Variants in KIAA1217 observed in about 807,000 individuals in gnomAD.
The protein encoded by KIAA1217 is KIAA1217.
In KIAA1217, 88 loss-of-function variants were observed where a neutral mutation model predicts 163.9. The observed-to-expected ratio is 0.54, with a 90% CI of 0.45 to 0.64. The LOEUF (loss-of-function observed/expected upper bound fraction) is 0.64. Ranked by LOEUF, KIAA1217 falls within the 30% of genes least tolerant of loss-of-function variation. KIAA1217 has a pLI of 0.00. For synonymous variants in KIAA1217, 903 were observed against 923.1 expected, an observed-to-expected ratio of 0.98 and a Z score of 0.39; for missense variants, 2,372 against 2,475.0, an observed-to-expected ratio of 0.96 and a Z score of 0.88.
At chr10:23,730,281 A>T (rs929983407) in intron 1 of KIAA1217, among the ~76,000 whole-genome samples, 3 of 152,118 alleles carry the variant, frequency 2.0e-5, no homozygotes, top group African/African-American at 7.2e-5. Context: ...CAGTTGTTTC[A>T]GCACCATTTG....
chr10:23,697,877 A>AC (rs1383975983), intron 1 of KIAA1217, among the ~76,000 whole-genome samples: 1 of 130,420 alleles, frequency 7.7e-6, no homozygotes, highest in Non-Finnish European at 1.6e-5. Context: ...ACCCTGTCTC[A>AC]AAAAAAAAAA....
intron 2 of KIAA1217, among the ~76,000 whole-genome samples, chr10:24,194,840 T>G (rs1220247193): frequency 1.4e-5 from 2 of 141,018 alleles, no homozygotes; most frequent in African/African-American, 5.2e-5. Context: ...ACTCCTGACC[T>G]CAAGTGATCC....
chr10:24,497,004 C>T (rs1033052635), intron 8 of KIAA1217, among the ~76,000 whole-genome samples: 1 of 152,212 alleles, frequency 6.6e-6, no homozygotes, highest in African/African-American at 2.4e-5. Context: ...TGGACTCACT[C>T]CCCACGTCTC....
At chr10:23,944,723 G>A (rs1305097327) in intron 1 of KIAA1217, among the ~76,000 whole-genome samples, 3 of 152,142 alleles carry the variant, frequency 2.0e-5, no homozygotes, top group Non-Finnish European at 4.4e-5. Flanking sequence ...TCATGCATTG[G>A]TGGTACAGAT....
chr10:23,927,325 G>GGGGT (rs71506821), intron 1 of KIAA1217, among the ~76,000 whole-genome samples: 76 of 143,090 alleles, frequency 5.3e-4, no homozygotes, highest in African/African-American at 1.5e-3. Context: ...CAAGTCATAG[G>GGGGT]GTGTGTGTGT....
At chr10:23,812,803 T>C (rs1837134666) in intron 1 of KIAA1217, among the ~76,000 whole-genome samples, 1 of 152,136 alleles carries the variant, frequency 6.6e-6, no homozygotes, top group Non-Finnish European at 1.5e-5. Flanking sequence ...TGTGGTTTTT[T>C]GTGTGTGTGT....
Position 23,776,711 on chromosome 10 carries a change from T to C in KIAA1217, c.-321+81477T>C, listed in dbSNP as rs181576413. The stretch of plus-strand genomic sequence containing the variant: ...TTTTTTTTTTTTTGCGACAGAGTCT[T>C]GCTCTGTCACCCAGGCTGGAATGCA... On this transcript the variant is annotated intron_variant, in intron 1 of 18. Coordinates refer to the KIAA1217 transcript ENST00000376462. Among the ~76,000 whole-genome samples, 1,003 of 147,020 alleles carry C rather than the reference T, an allele frequency of 6.8e-3. 17 individuals carry two copies. Among genetic ancestry groups the C allele is most frequent in the African/African-American group, 0.023 (924 of 39,794 alleles).
At chr10:24,456,301 G>A (rs1331800857) in intron 5 of KIAA1217, among the ~76,000 whole-genome samples, 1 of 152,176 alleles carries the variant, frequency 6.6e-6, no homozygotes, top group Non-Finnish European at 1.5e-5. Flanking sequence ...AAACGAATGT[G>A]TCATTCGTTT....
intron 5 of KIAA1217, among the ~76,000 whole-genome samples, chr10:24,456,705 CTT>C (rs755613792): frequency 1.1e-4 from 15 of 141,074 alleles, no homozygotes; most frequent in Admixed American, 1.4e-4. Flanking sequence ...AGGATTAAAC[CTT>C]TTTTTTTTTT....
At chr10:23,780,956 C>T (rs535727853) in intron 1 of KIAA1217, among the ~76,000 whole-genome samples, 8 of 152,306 alleles carry the variant, frequency 5.3e-5, no homozygotes, top group African/African-American at 1.9e-4. Context: ...GCTGGGATTA[C>T]AGGCGTGAGC....
At chr10:23,700,625 T>C (rs1390350188) in intron 1 of KIAA1217, among the ~76,000 whole-genome samples, 2 of 152,210 alleles carry the variant, frequency 1.3e-5, no homozygotes, top group Admixed American at 6.5e-5. Flanking sequence ...GCCATCTTCC[T>C]GTTCCAATAA....
At chr10:23,920,440 G>T (rs1486476336) in intron 1 of KIAA1217, among the ~76,000 whole-genome samples, 1 of 152,160 alleles carries the variant, frequency 6.6e-6, no homozygotes, top group Non-Finnish European at 1.5e-5. Context: ...GGCAACCTGA[G>T]CTTTTTGGGT....
In KIAA1217 at chr10:23,704,164, GTGTGTGTGTATATATATATATATA is replaced by G. The variant is rs1418778439; in HGVS notation, c.-321+8932_-321+8955del. 2.2e-3 allele frequency among the ~76,000 whole-genome samples: 178 copies of G among 80,594 alleles called. 5 individuals carry two copies. The highest frequency in any genetic ancestry group is 0.01 in the African/African-American group (175 of 16,860). The allele number at this position is 80,594 out of a possible 152,430, so 52.9% of individuals were successfully genotyped here. A position where few individuals can be genotyped will look rare whatever the true frequency, so the allele number is the denominator to read the frequency against. ...TGTGTGTATGTGTGTGTGTGTGTGT[GTGTGTGTGTATATATATATATATA>G]TATATATATATATATATATATATAG... is the stretch of plus-strand genomic sequence containing the variant. On this transcript the variant is annotated intron_variant, in intron 1 of 18. Coordinates refer to the KIAA1217 transcript ENST00000376462.
At chr10:23,896,209 T>C (rs1158180638) in intron 1 of KIAA1217, among the ~76,000 whole-genome samples, 1 of 152,034 alleles carries the variant, frequency 6.6e-6, no homozygotes, top group African/African-American at 2.4e-5. Flanking sequence ...CATATTTTCT[T>C]ACTCTATTTT....
At chr10:24,262,854 G>C (rs2075857995) in intron 2 of KIAA1217, among the ~76,000 whole-genome samples, 1 of 151,952 alleles carries the variant, frequency 6.6e-6, no homozygotes. Flanking sequence ...GGAGGCTGAG[G>C]TGGGAGGATT....
chr10:23,806,425 G>A (rs1482139491), intron 1 of KIAA1217, among the ~76,000 whole-genome samples: 1 of 152,264 alleles, frequency 6.6e-6, no homozygotes, highest in East Asian at 1.9e-4. Flanking sequence ...AGAGATTGAG[G>A]AAGTCATTTT....
chr10:23,917,943 G>A (rs898860233), intron 1 of KIAA1217, among the ~76,000 whole-genome samples: 1 of 152,118 alleles, frequency 6.6e-6, no homozygotes, highest in Non-Finnish European at 1.5e-5. Flanking sequence ...GAATGAACAA[G>A]ACCAGTTTTA....
intron 2 of KIAA1217, among the ~76,000 whole-genome samples, chr10:24,224,890 A>G (rs543938831): frequency 0.015 from 2,167 of 140,060 alleles, 23 homozygotes; most frequent in Non-Finnish European, 0.024. Flanking sequence ...GCAGTGGCGC[A>G]GTCTCGGCTT....
At chr10:24,153,843 C>T (rs943912899) in intron 2 of KIAA1217, among the ~76,000 whole-genome samples, 1 of 152,226 alleles carries the variant, frequency 6.6e-6, no homozygotes, top group South Asian at 2.1e-4. Context: ...ATAATTCCCC[C>T]GGGCTTATGC....
Sources: allele counts gnomAD v4.1 joint callset (sites outside exome capture counted in the v4.1 genomes callset), GRCh38; gene constraint gnomAD v4.1.1; transcripts MANE v1.5; gene names NCBI Gene and HGNC (gene_info 2026-07-23, HGNC 2026-07-21).